The following MYH4 variants were observed in gnomAD, a reference collection of about 807,000 sequenced individuals.
MYH4 encodes myosin-4.
A neutral mutation model predicts 229.9 loss-of-function variants in MYH4; 200 were observed. The ratio of observed to expected loss-of-function variants is 0.87; its 90% confidence interval spans 0.78 to 0.98. The LOEUF (loss-of-function observed/expected upper bound fraction) is 0.98, where lower values mean the gene tolerates loss of function less well. Among genes scored for constraint, MYH4 ranks in the 50% least tolerant of loss-of-function variants. The pLI is 0.00. For missense variants in MYH4, 2,148 were observed against 2,332.6 expected, an observed-to-expected ratio of 0.92 and a Z score of 1.63; for synonymous variants, 761 against 834.6, an observed-to-expected ratio of 0.91 and a Z score of 1.52.
At position 10,448,392 on chromosome 17, in the gene MYH4, G is replaced by A. The variant is rs748774781; in HGVS notation, c.4656+4C>T. The A allele has an allele frequency of 1.9e-6, 3 of 1,607,256 alleles. No individual in the cohort carries two copies. The highest frequency in any genetic ancestry group is 1.7e-6 in the Non-Finnish European group (2 of 1,178,144). ...ATGCAGAGCTAAGCAAATGAAAAAT[G>A]TACCTCTGCTTCCTCTAGGGAAGTC... is the stretch of plus-strand genomic sequence containing the variant. On this transcript the variant is annotated splice_donor_region_variant and intron_variant, in intron 33 of 39. Transcript: ENST00000255381.
Position 10,466,545 on chromosome 17 carries a change from T to G in MYH4, c.201A>C (p.Gly67=). ...GGKVTAKTEA[G]ATVTVKEDQV... is the part of the protein sequence containing the mutation. ...AGCTCCAGGTGTTTTTACTCACAGC[T>G]CCAGCTTCGGTCTTGGCTGTCACCT... The change falls in exon 3 of 40, where the codon GGA becomes GGC. Residue 67 remains glycine, a synonymous_variant. Transcript: ENST00000255381. 1 of 1,613,978 alleles carries G rather than the reference T, an allele frequency of 6.2e-7. No homozygotes were observed. The highest frequency in any genetic ancestry group is 8.5e-7 in the Non-Finnish European group (1 of 1,180,030).
At chr17:10,458,561 G>A (rs764135) in intron 15 of MYH4, among the ~76,000 whole-genome samples, 2 of 151,814 alleles carry the variant, frequency 1.3e-5, no homozygotes, top group African/African-American at 2.4e-5. Context: ...TTGCATTTAC[G>A]CTTCCTTTCC....
At chr17:10,453,526 G>A (rs777045598) in intron 23 of MYH4, 117 bp downstream of exon 23, 3 of 1,571,518 alleles carry the variant, frequency 1.9e-6, no homozygotes, top group Non-Finnish European at 2.6e-6. Flanking sequence ...CTAAAGAGAT[G>A]AAATAGTTAT....
chr17:10,456,429 T>C (rs1407366935), intron 17 of MYH4, 56 bp downstream of exon 17: 4 of 1,453,386 alleles, frequency 2.8e-6, no homozygotes, highest in Non-Finnish European at 2.8e-6. Flanking sequence ...TTTTCTGTTT[T>C]GATGGTTTAG....
rs1303201432 is a variant in MYH4, at chr17:10,445,078, C to T, written c.5364G>A (p.Lys1788=). Residue 1788 remains lysine (K), a synonymous_variant, in exon 37 of 40, where the codon AAG becomes AAA. Coordinates refer to ENST00000255381, the MANE Select transcript of MYH4 (RefSeq NM_017533.2). ...GATCCTTCACGGTCTGCTCCATGTT[C>T]TTCTTCATCCGCTCCAGGTGGGCGC... The part of the protein sequence containing the change: ...DTSAHLERMK[K]NMEQTVKDLQ... 1.1e-5 allele frequency: 18 copies of T among 1,614,070 alleles called. No individual in the cohort carries two copies. Among genetic ancestry groups the T allele is most frequent in the Non-Finnish European group, 1.5e-5 (18 of 1,180,040 alleles).
chr17:10,448,457 T>G lies in MYH4; in HGVS notation c.4595A>C (p.Lys1532Thr), dbSNP rs1484553229. ...CTCATGATCAAGTTGTTTCTTTACT[T>G]TCTCCAGTTCATGGATATGCTTTCC... is the stretch of plus-strand genomic sequence containing the variant. ...EGGKHIHELE[K>T]VKKQLDHEKS... The change falls in exon 33 of 40, where the codon AAA (lysine) becomes ACA (threonine). Residue 1532 changes from lysine (K) to threonine (T), a missense_variant. Coordinates refer to ENST00000255381, the MANE Select transcript of MYH4 (RefSeq NM_017533.2). 3 of 1,614,044 alleles carry G rather than the reference T, an allele frequency of 1.9e-6. No individual in the cohort carries two copies. The highest frequency in any genetic ancestry group is 2.5e-6 in the Non-Finnish European group (3 of 1,179,924).
intron 4 of MYH4, 110 bp from the exon 5 acceptor site, chr17:10,465,708 A>G: frequency 1.4e-6 from 2 of 1,384,494 alleles, no homozygotes; most frequent in South Asian, 1.4e-5. Context: ...TAGTTCTCAT[A>G]AAGTTTCATT....
chr17:10,462,935 A>C lies in MYH4; in HGVS notation c.938T>G (p.Phe313Cys). ...AATTTCCCCTTGGCTGACAAATGCG[A>C]AGTCATATGGGTTGGTGGTGATCAG... Reference protein sequence around the residue: ...MLLITTNPYDFAFVSQGEITV... With the variant: ...MLLITTNPYDCAFVSQGEITV... Residue 313 changes from phenylalanine (F) to cysteine (C), a missense_variant, in exon 11 of 40, where the codon TTC becomes TGC. Transcript: ENST00000255381. The C allele has an allele frequency of 6.2e-7, 1 of 1,614,132 alleles. No homozygotes were observed. The highest frequency in any genetic ancestry group is 8.5e-7 in the Non-Finnish European group (1 of 1,179,972).
chr17:10,459,162 T>C (rs1001797348), intron 15 of MYH4, 89 bp downstream of exon 15: 6 of 1,599,544 alleles, frequency 3.8e-6, no homozygotes, highest in Non-Finnish European at 4.3e-6. Context: ...ACAGCACTGC[T>C]TGTTCTTTGA....
At chr17:10,464,823 A>T (rs752377831) in intron 5 of MYH4, 115 bp from the exon 6 acceptor site, 1 of 1,010,048 alleles carries the variant, frequency 9.9e-7, no homozygotes, top group Admixed American at 2.5e-5. Flanking sequence ...AAAAATAACT[A>T]TATGAATTTG....
chr17:10,453,546 A>AT, intron 23 of MYH4, 97 bp downstream of exon 23: 1 of 1,587,526 alleles, frequency 6.3e-7, no homozygotes, highest in Non-Finnish European at 8.6e-7. Flanking sequence ...TGACAGTGGT[A>AT]TTTTTTATAT....
rs2072593848 is a variant in MYH4 at position 10,452,893 on chromosome 17, C to T, written c.3151G>A (p.Asp1051Asn). 3.7e-6 allele frequency: 6 copies of T among 1,603,862 alleles called. No homozygotes were observed. The highest frequency in any genetic ancestry group is 5.1e-6 in the Non-Finnish European group (6 of 1,178,018). Residue 1051 changes from aspartate (D) to asparagine (N), a missense_variant, in exon 25 of 40, where the codon GAC (aspartate) becomes AAC (asparagine). Physicochemically the swap from Asp to Asn is conservative, Grantham distance 23. Coordinates refer to ENST00000255381, the MANE Select transcript of MYH4 (RefSeq NM_017533.2). ...SLEQEKKLCMDLERAKRKLEG... is the reference protein window; with the variant it reads ...SLEQEKKLCMNLERAKRKLEG... The stretch of plus-strand genomic sequence containing the variant: ...AGTTTTCTCTTGGCTCTTTCTAAGT[C>T]CATGCAAAGTTTCTTTTCTTGTTCC...
Position 10,457,418 on chromosome 17 carries a change from A to G in MYH4, c.1897+2T>C. On this transcript the variant is annotated splice_donor_variant, in intron 16 of 39. Coordinates refer to ENST00000255381, the MANE Select transcript of MYH4 (RefSeq NM_017533.2). LOFTEE classifies it high-confidence loss of function. ...TAACATATTAGTGCTATTAAACATG[A>G]CCTGCTTCAGCAGTTTGTGCCCCAG... is the stretch of plus-strand genomic sequence containing the variant. 9.4e-6 allele frequency: 15 copies of G among 1,596,366 alleles called. No individual in the cohort carries two copies. Among genetic ancestry groups the G allele is most frequent in the Non-Finnish European group, 1.3e-5 (15 of 1,170,298 alleles).
At chr17:10,450,360 T>G in intron 30 of MYH4, 93 bp downstream of exon 30, 1 of 1,592,764 alleles carries the variant, frequency 6.3e-7, no homozygotes, top group African/African-American at 1.3e-5. Flanking sequence ...GTCTTTCATG[T>G]GTCCCCAAGC....
chr17:10,460,146 A>G (rs1376790092), intron 13 of MYH4, 45 bp from the exon 14 acceptor site: 1 of 1,613,752 alleles, frequency 6.2e-7, no homozygotes, highest in Non-Finnish European at 8.5e-7. Flanking sequence ...GAAAACAGTG[A>G]TGAACTCCTG....
chr17:10,466,202 C>A (rs1350722110), intron 4 of MYH4, 71 bp downstream of exon 4: 1 of 1,551,532 alleles, frequency 6.4e-7, no homozygotes, highest in Non-Finnish European at 8.8e-7. Flanking sequence ...GTATTGAAAC[C>A]CCTTAATTTA....
At chr17:10,445,777 C>T (rs182826263) in intron 35 of MYH4, among the ~76,000 whole-genome samples, 275 of 152,028 alleles carry the variant, frequency 1.8e-3, no homozygotes, top group Non-Finnish European at 3.2e-3. Flanking sequence ...GCCTGTAATC[C>T]CAGCACTTTG....
Position 10,452,291 on chromosome 17 carries a change from G to A in MYH4, c.3388C>T (p.Arg1130Trp), listed in dbSNP as rs772548795. Residue 1130 changes from arginine to tryptophan, a missense_variant, in exon 27 of 40, where the codon CGG (arginine) becomes TGG (tryptophan). Physicochemically the swap from Arg to Trp is moderately radical, Grantham distance 101. Coordinates refer to ENST00000255381, the MANE Select transcript of MYH4 (RefSeq NM_017533.2). The part of the protein sequence containing the change: ...EELEEEIEAE[R>W]ASRAKAEKQR... ...TTCTCTGCTTTGGCCCGGGAGGCCC[G>A]CTCTGCCTCGATTTCCTCCTCCAGC... 5.6e-6 allele frequency: 9 copies of A among 1,614,062 alleles called. No homozygotes were observed. In the East Asian group the frequency reaches 1.1e-4, roughly 20 times the overall value.
chr17:10,448,980 A>G lies in MYH4; in HGVS notation c.4249T>C (p.Ser1417Pro). 6.2e-7 allele frequency: 1 copy of G among 1,614,108 alleles called. No homozygotes were observed. The highest frequency in any genetic ancestry group is 1.1e-5 in the South Asian group (1 of 91,088). Residue 1417 changes from serine (S) to proline (P), a missense_variant, in exon 31 of 40, where the codon TCT becomes CCT. Coordinates refer to ENST00000255381, the MANE Select transcript of MYH4 (RefSeq NM_017533.2). ...AGCCTCTGCTTTGTCTTTTCAAGAGAAGCACATTTGGAATTCACAGCTTCT... is the reference window on the plus strand; with the variant it reads ...AGCCTCTGCTTTGTCTTTTCAAGAGGAGCACATTTGGAATTCACAGCTTCT... ...HVEAVNSKCA[S>P]LEKTKQRLQN...
Sources: gnomAD v4.1 joint callset for allele counts (sites outside exome capture counted in the v4.1 genomes callset) on GRCh38, gnomAD v4.1.1 for gene constraint, MANE v1.5 for transcripts, NCBI Gene and HGNC (gene_info 2026-07-23, HGNC 2026-07-21) for gene names.